Variants in LRRC4C observed in about 807,000 individuals in gnomAD.
LRRC4C encodes the protein leucine-rich repeat-containing protein 4C.
In LRRC4C, 5 loss-of-function variants were observed where a neutral mutation model predicts 33.6. That is an observed-to-expected ratio of 0.15 (90% CI 0.08 to 0.31). The LOEUF (loss-of-function observed/expected upper bound fraction) is 0.31, where lower values mean the gene tolerates loss of function less well. Among genes scored for constraint, LRRC4C ranks in the 10% least tolerant of loss-of-function variants. The probability of loss-of-function intolerance (pLI) is 1.00; values close to 1 mark genes in which losing one functional copy is unlikely to be tolerated. For missense variants in LRRC4C, 560 were observed against 796.7 expected (o/e 0.70, Z 3.58); for synonymous variants, 329 against 302.0 (o/e 1.09, Z -0.93).
intron 3 of LRRC4C, among the ~76,000 whole-genome samples, chr11:40,421,051 T>C (rs959320256): frequency 6.6e-6 from 1 of 152,228 alleles, no homozygotes; most frequent in Non-Finnish European, 1.5e-5. Flanking sequence ...ATGGAGCTCA[T>C]AGCTATCTTC....
intron 3 of LRRC4C, among the ~76,000 whole-genome samples, chr11:40,562,723 C>G (rs751303577): frequency 6.6e-6 from 1 of 152,180 alleles, no homozygotes; most frequent in Non-Finnish European, 1.5e-5. Context: ...CAACTTCAGA[C>G]CCTCTGCAGA....
chr11:41,278,676 T>C (rs905416830), intron 1 of LRRC4C, among the ~76,000 whole-genome samples: 1 of 152,220 alleles, frequency 6.6e-6, no homozygotes, highest in Non-Finnish European at 1.5e-5. Context: ...TCCTGGGTGA[T>C]GCTGCTGCTG....
At chr11:41,143,777 G>A (rs567402872) in intron 1 of LRRC4C, among the ~76,000 whole-genome samples, 14 of 152,212 alleles carry the variant, frequency 9.2e-5, no homozygotes, top group African/African-American at 2.9e-4. Flanking sequence ...AACTTTCCAA[G>A]TGTTTCAAAT....
chr11:41,401,356 C>A (rs1954018405), intron 1 of LRRC4C, among the ~76,000 whole-genome samples: 1 of 151,710 alleles, frequency 6.6e-6, no homozygotes, highest in Non-Finnish European at 1.5e-5. Flanking sequence ...GCAGAAAGTT[C>A]TATTGGATGG....
rs527586708 is a variant in LRRC4C at position 40,733,655 on chromosome 11, G to A, written c.-406-85377C>T. ...GAAAGTATGAAGTCCAGTCCTTTAC[G>A]CTAGACTTTATGAATCTCAGTTCTA... On this transcript the variant is annotated intron_variant, in intron 2 of 6. Transcript: ENST00000528697. Among the ~76,000 whole-genome samples the A allele has an allele frequency of 6.8e-4, 103 of 152,162 alleles. No individual in the cohort carries two copies. In the South Asian group the frequency reaches 6.8e-3, roughly 10 times the overall value.
chr11:40,473,072 G>C (rs1198146975), intron 3 of LRRC4C, among the ~76,000 whole-genome samples: 1 of 152,060 alleles, frequency 6.6e-6, no homozygotes. Context: ...TCCAAACAAA[G>C]AAAAACAGGG....
chr11:41,364,166 AC>A (rs1952451574), intron 1 of LRRC4C, among the ~76,000 whole-genome samples: 1 of 152,144 alleles, frequency 6.6e-6, no homozygotes, highest in African/African-American at 2.4e-5. Flanking sequence ...ATAGAGGGCT[AC>A]CCCCTGCTCA....
chr11:40,937,318 G>A (rs1193932059), intron 1 of LRRC4C, among the ~76,000 whole-genome samples: 1 of 151,742 alleles, frequency 6.6e-6, no homozygotes, highest in Non-Finnish European at 1.5e-5. Context: ...CTACTAGAGT[G>A]GGGAGGGAGG....
At chr11:40,346,350 C>G (rs1308792759) in intron 3 of LRRC4C, among the ~76,000 whole-genome samples, 1 of 152,188 alleles carries the variant, frequency 6.6e-6, no homozygotes, top group East Asian at 1.9e-4. Context: ...ACATATACAC[C>G]ATAGAATACT....
At chr11:40,403,342 T>C (rs1017201433) in intron 3 of LRRC4C, among the ~76,000 whole-genome samples, 2 of 152,124 alleles carry the variant, frequency 1.3e-5, no homozygotes, top group Admixed American at 1.3e-4. Flanking sequence ...AGCTTTATAG[T>C]AAAATTTACT....
At position 40,696,750 on chromosome 11, in the gene LRRC4C, A is replaced by ATG. The variant is rs577065023; in HGVS notation, c.-406-48473_-406-48472insCA. On this transcript the variant is annotated intron_variant, in intron 2 of 6. Transcript: ENST00000528697. Reference sequence around the variant, plus strand: ...CTCTGTGCATATATATACACTGTGTATATATATATATATATATATATATAT... The same window carrying ATG: ...CTCTGTGCATATATATACACTGTGTATGTATATATATATATATATATATATAT... 9.1e-4 allele frequency among the ~76,000 whole-genome samples: 61 copies of ATG among 66,946 alleles called. 1 individual carries two copies. The highest frequency in any genetic ancestry group is 7.0e-3 in the South Asian group (14 of 2,014). The allele number at this position is 66,946 out of a possible 152,430, so 43.9% of individuals were successfully genotyped here. A position where few individuals can be genotyped will look rare whatever the true frequency, so the allele number is the denominator to read the frequency against.
chr11:40,971,842 A>C (rs1325582192), intron 1 of LRRC4C, among the ~76,000 whole-genome samples: 3 of 152,202 alleles, frequency 2.0e-5, no homozygotes, highest in Non-Finnish European at 4.4e-5. Context: ...GATGTCAGAC[A>C]GAAAGTCAAG....
intron 2 of LRRC4C, among the ~76,000 whole-genome samples, chr11:40,815,610 C>CT (rs1384079277): frequency 1.3e-5 from 2 of 152,086 alleles, no homozygotes; most frequent in Non-Finnish European, 2.9e-5. Flanking sequence ...TTTGTGGCTC[C>CT]TTTTTTGCTG....
At chr11:40,276,177 T>A (rs1287709012) in intron 4 of LRRC4C, among the ~76,000 whole-genome samples, 1 of 152,040 alleles carries the variant, frequency 6.6e-6, no homozygotes, top group Non-Finnish European at 1.5e-5. Context: ...AATAACGTGA[T>A]AAAGATGGGC....
chr11:41,347,549 ACTTTGTAGATATC>A (rs1663953903), intron 1 of LRRC4C, among the ~76,000 whole-genome samples: 1 of 152,192 alleles, frequency 6.6e-6, no homozygotes, highest in African/African-American at 2.4e-5. Context: ...ATTTCAGAGA[ACTTTGTAGATATC>A]ATTTCTTCAT....
At chr11:41,275,948 G>A (rs1211358823) in intron 1 of LRRC4C, among the ~76,000 whole-genome samples, 1 of 152,116 alleles carries the variant, frequency 6.6e-6, no homozygotes, top group East Asian at 1.9e-4. Context: ...ATTACTAAAG[G>A]TAATTATTCC....
chr11:41,275,566 A>G (rs999824140), intron 1 of LRRC4C, among the ~76,000 whole-genome samples: 1 of 152,206 alleles, frequency 6.6e-6, no homozygotes, highest in African/African-American at 2.4e-5. Flanking sequence ...CTGGGAGTAT[A>G]AAATATGTCA....
rs116524199 is a variant in LRRC4C, at chr11:41,212,525, C to T, written c.-496+246906G>A. On this transcript the variant is annotated intron_variant, in intron 1 of 6. Transcript: ENST00000528697. The stretch of plus-strand genomic sequence containing the variant: ...TGGTTTGCTGCACAGATCAATCCAT[C>T]GCTTAGGTATTAAGCTCAGCATACA... 7.9e-3 allele frequency among the ~76,000 whole-genome samples: 1,210 copies of T among 152,342 alleles called. 23 individuals are homozygous for T. Among genetic ancestry groups the T allele is most frequent in the African/African-American group, 0.028 (1,153 of 41,580 alleles).
chr11:40,898,092 C>T (rs1265101375), intron 2 of LRRC4C, among the ~76,000 whole-genome samples: 2 of 152,110 alleles, frequency 1.3e-5, no homozygotes, highest in South Asian at 2.1e-4. Flanking sequence ...CGGTGGCTTA[C>T]GCCTGTAATC....
Sources: gnomAD v4.1 joint callset for allele counts (sites outside exome capture counted in the v4.1 genomes callset) on GRCh38, gnomAD v4.1.1 for gene constraint, MANE v1.5 for transcripts, NCBI Gene and HGNC (gene_info 2026-07-23, HGNC 2026-07-21) for gene names.